MYOCOS: variants seen among roughly 807,000 people sequenced by gnomAD.
MYOCOS encodes myocilin opposite strand protein.
At chr1:171,609,371 G>T (rs1652313310) in intron 1 of MYOCOS, among the ~76,000 whole-genome samples, 1 of 152,164 alleles carries the variant, frequency 6.6e-6, no homozygotes, top group African/African-American at 2.4e-5. Context: ...CTGGTCTCTT[G>T]ACAAGATAAG....
intron 1 of MYOCOS, among the ~76,000 whole-genome samples, chr1:171,607,413 T>C (rs1652270178): frequency 6.6e-6 from 1 of 152,186 alleles, no homozygotes; most frequent in Non-Finnish European, 1.5e-5. Flanking sequence ...CCACTTCAAA[T>C]TATGCTGAGA....
intron 1 of MYOCOS, among the ~76,000 whole-genome samples, chr1:171,610,288 G>T (rs934967581): frequency 6.6e-6 from 1 of 152,142 alleles, no homozygotes; most frequent in African/African-American, 2.4e-5. Flanking sequence ...TCATCTCCAA[G>T]TTGGTACCTC....
chr1:171,608,022 T>C (rs1424970066), intron 1 of MYOCOS, among the ~76,000 whole-genome samples: 2 of 152,208 alleles, frequency 1.3e-5, no homozygotes, highest in Non-Finnish European at 1.5e-5. Flanking sequence ...AAACCCCTTA[T>C]AAAATCGTCA....
chr1:171,606,864 C>T (rs1652253659), intron 1 of MYOCOS, among the ~76,000 whole-genome samples: 1 of 151,996 alleles, frequency 6.6e-6, no homozygotes, highest in African/African-American at 2.4e-5. Flanking sequence ...GAGGCGAAGG[C>T]GGGTGGATCA....
At chr1:171,617,730 C>G (rs188426901), upstream of MYOCOS, among the ~76,000 whole-genome samples, 33 of 152,194 alleles carry the variant, frequency 2.2e-4, no homozygotes, top group Admixed American at 1.5e-3. Context: ...AAAGTGGGAA[C>G]AAGAGAAGGT....
intron 1 of MYOCOS, among the ~76,000 whole-genome samples, chr1:171,610,314 G>A (rs1652333664): frequency 1.3e-5 from 2 of 152,154 alleles, no homozygotes; most frequent in Non-Finnish European, 2.9e-5. Context: ...TATCTTCAAA[G>A]GTCATTCCAT....
chr1:171,621,468 C>T (rs940067240), upstream of MYOCOS, among the ~76,000 whole-genome samples: 2 of 151,172 alleles, frequency 1.3e-5, no homozygotes, highest in Admixed American at 6.6e-5. Context: ...CTCCGCCTCC[C>T]GGGTTCACGC....
At chr1:171,619,137 T>A (rs1652507301), upstream of MYOCOS, among the ~76,000 whole-genome samples, 1 of 152,240 alleles carries the variant, frequency 6.6e-6, no homozygotes, top group Admixed American at 6.5e-5. Context: ...GTGGAAAATG[T>A]GGTTGTTAAA....
rs185002959 is a variant in MYOCOS at position 171,603,646 on chromosome 1, C to G, written c.-252+2566C>G. ...ATGAGTTAAAAAGAAAAACTCATGT[C>G]GGCCCCCGCCATGAGGCTACCTGAC... On this transcript the variant is annotated intron_variant, in intron 1 of 3. Transcript: ENST00000636697. Among the ~76,000 whole-genome samples, 67 of 152,322 alleles carry G rather than the reference C, an allele frequency of 4.4e-4. 1 individual carries two copies. The highest frequency in any genetic ancestry group is 1.6e-3 in the African/African-American group (65 of 41,578).
intron 1 of MYOCOS, among the ~76,000 whole-genome samples, 179 bp downstream of exon 1, chr1:171,622,511 T>A (rs1652596579): frequency 6.6e-6 from 1 of 152,136 alleles, no homozygotes; most frequent in African/African-American, 2.4e-5. Flanking sequence ...GGGTACAGAG[T>A]ATGTCATAAG....
chr1:171,605,020 C>G (rs1010329539), intron 1 of MYOCOS, among the ~76,000 whole-genome samples: 1 of 152,108 alleles, frequency 6.6e-6, no homozygotes, highest in Non-Finnish European at 1.5e-5. Flanking sequence ...CTCTCCAGAA[C>G]CAGTATTTCA....
At chr1:171,601,381 G>T (rs369112369) in intron 1 of MYOCOS, among the ~76,000 whole-genome samples, 2 of 151,876 alleles carry the variant, frequency 1.3e-5, no homozygotes, top group African/African-American at 2.4e-5. Flanking sequence ...TTTGAATTTC[G>T]TGATTTTGGT....
At chr1:171,624,407 C>T (rs1382600777) in intron 2 of MYOCOS, among the ~76,000 whole-genome samples, 1 of 150,906 alleles carries the variant, frequency 6.6e-6, no homozygotes, top group African/African-American at 2.5e-5. Flanking sequence ...GTAGCTGGGA[C>T]TACAGCCATG....
upstream of MYOCOS, among the ~76,000 whole-genome samples, chr1:171,620,878 T>A (rs1030161065): frequency 1.3e-5 from 2 of 151,176 alleles, no homozygotes; most frequent in Admixed American, 1.3e-4. Flanking sequence ...CAAGCGATTC[T>A]CCTGCCTCAG....
chr1:171,620,661 T>C (rs1046547877), upstream of MYOCOS, among the ~76,000 whole-genome samples: 2 of 126,578 alleles, frequency 1.6e-5, no homozygotes, highest in Non-Finnish European at 1.8e-5. Flanking sequence ...ACTCAACCAA[T>C]TGTAAAAAAG....
chr1:171,614,070 T>C (rs1652404997), intron 1 of MYOCOS, among the ~76,000 whole-genome samples: 1 of 152,204 alleles, frequency 6.6e-6, no homozygotes, highest in African/African-American at 2.4e-5. Flanking sequence ...TGCCAATTTA[T>C]TCCCTTCCAA....
chr1:171,623,691 G>A (rs77165888), intron 1 of MYOCOS, 150 bp from the exon 2 acceptor site: 2 of 393,784 alleles, frequency 5.1e-6, no homozygotes, highest in Non-Finnish European at 4.5e-6. Flanking sequence ...CTTGACCTTG[G>A]GGGGAAGGGG....
chr1:171,615,342 C>T (rs1219632373), intron 2 of MYOCOS, among the ~76,000 whole-genome samples: 1 of 152,084 alleles, frequency 6.6e-6, no homozygotes, highest in East Asian at 1.9e-4. Flanking sequence ...GCTGAAAATC[C>T]ACTGCTGATG....
chr1:171,625,097 C>G (rs1047918156), intron 2 of MYOCOS, among the ~76,000 whole-genome samples: 10 of 152,078 alleles, frequency 6.6e-5, no homozygotes, highest in African/African-American at 2.4e-4. Flanking sequence ...GAATTAGGTG[C>G]CATTTCTTAG....
Sources: allele counts gnomAD v4.1 joint callset (sites outside exome capture counted in the v4.1 genomes callset), GRCh38; gene constraint gnomAD v4.1.1; transcripts MANE v1.5; gene names NCBI Gene and HGNC (gene_info 2026-07-23, HGNC 2026-07-21).